Variants in IRAK1BP1 observed in about 807,000 individuals in gnomAD.
IRAK1BP1 encodes the protein interleukin-1 receptor-associated kinase 1-binding protein 1.
Under a neutral mutation model 28.0 loss-of-function variants are expected in IRAK1BP1, and 24 were observed. The ratio of observed to expected loss-of-function variants is 0.86; its 90% CI spans 0.62 to 1.20. The LOEUF is 1.20. Ranked by LOEUF, IRAK1BP1 falls within the 50% of genes most tolerant of loss-of-function variation. The pLI is 0.00. For synonymous variants in IRAK1BP1, 131 were observed against 116.3 expected (o/e 1.13, Z -0.81); for missense variants, 336 against 316.7 (o/e 1.06, Z -0.46).
At chr6:78,906,414 A>G (rs1772262025), downstream of IRAK1BP1, among the ~76,000 whole-genome samples, 1 of 152,218 alleles carries the variant, frequency 6.6e-6, no homozygotes, top group Non-Finnish European at 1.5e-5. Flanking sequence ...TAAGGTTACT[A>G]AGTGACCTCA....
At chr6:78,970,683 G>C in the IRAK1BP1 span, 1 of 724,768 alleles carries the variant, frequency 1.4e-6, no homozygotes, top group Non-Finnish European at 2.3e-6. Flanking sequence ...TCTTCATGAT[G>C]CAGTTTCTTA....
intron 1 of IRAK1BP1, among the ~76,000 whole-genome samples, chr6:78,882,249 G>A (rs1771255978): frequency 6.6e-6 from 1 of 152,090 alleles, no homozygotes; most frequent in Admixed American, 6.6e-5. Context: ...AAAAAGTAAA[G>A]GAAAGGGGTA....
downstream of IRAK1BP1, chr6:78,947,870 A>C (rs748189008): frequency 3.5e-5 from 27 of 771,984 alleles, no homozygotes; most frequent in Non-Finnish European, 5.6e-5. Context: ...TGATGACTGC[A>C]AGTCCTAGAA....
intron 1 of IRAK1BP1, among the ~76,000 whole-genome samples, chr6:78,883,382 TG>T (rs1186353220): frequency 6.6e-6 from 1 of 152,190 alleles, no homozygotes; most frequent in Non-Finnish European, 1.5e-5. Flanking sequence ...TTAACAGTAA[TG>T]GGGTTTGAGA....
chr6:78,953,496 A>AT, the IRAK1BP1 span, among the ~76,000 whole-genome samples: 2 of 152,354 alleles, frequency 1.3e-5, no homozygotes, highest in African/African-American at 4.8e-5. Context: ...AGCGAAATCC[A>AT]TAAGTTGTGA....
Position 78,901,911 on chromosome 6 carries a change from A to G in IRAK1BP1, c.*3577A>G, listed in dbSNP as rs1298059924. 1 of 152,200 alleles carries G rather than the reference A, an allele frequency of 6.6e-6. No homozygotes were observed. Among genetic ancestry groups the G allele is most frequent in the East Asian group, 1.9e-4 (1 of 5,192 alleles). The allele number at this position is 152,200 out of a possible 1,614,324, so 9.4% of individuals were successfully genotyped here. ...CTTCTCAGGAATATGGGCTAAGGAT[A>G]TCTCAACTCTGTCAGATTTGTTGAT... On this transcript the variant is annotated 3_prime_UTR_variant, in exon 4 of 4. Transcript: ENST00000369940.
intron 4 of IRAK1BP1, among the ~76,000 whole-genome samples, chr6:78,916,784 A>C (rs377538259): frequency 1.3e-5 from 2 of 151,822 alleles, no homozygotes; most frequent in Admixed American, 6.6e-5. Context: ...CTAAAACAAT[A>C]CAAAAAAAAA....
intron 1 of IRAK1BP1, among the ~76,000 whole-genome samples, chr6:78,879,179 A>G (rs1052911246): frequency 8.6e-5 from 13 of 152,036 alleles, no homozygotes; most frequent in Admixed American, 7.9e-4. Flanking sequence ...GATGGGGAAC[A>G]TCACACACCA....
At chr6:78,938,144 T>C (rs1359408608) in intron 4 of IRAK1BP1, 2 of 151,650 alleles carry the variant, frequency 1.3e-5, no homozygotes, top group Non-Finnish European at 3.0e-5. Context: ...ATTATAAAAA[T>C]ATAAAATCTA....
At chr6:78,903,659 T>TA (rs111662136), downstream of IRAK1BP1, among the ~76,000 whole-genome samples, 798 of 141,454 alleles carry the variant, frequency 5.6e-3, 1 homozygote, top group South Asian at 0.012. Context: ...ATCCCTGAAT[T>TA]AAAAAAAAAA....
chr6:78,886,823 A>G (rs1448822843), intron 2 of IRAK1BP1, among the ~76,000 whole-genome samples: 3 of 152,190 alleles, frequency 2.0e-5, no homozygotes, highest in Non-Finnish European at 4.4e-5. Flanking sequence ...ACTAAATGAG[A>G]GTTTGGCTAA....
downstream of IRAK1BP1, chr6:78,947,785 G>C: frequency 6.3e-7 from 1 of 1,592,146 alleles, no homozygotes. Context: ...CCTAGGAGAG[G>C]GAAAACAGGT....
the IRAK1BP1 span, chr6:78,958,652 T>C: frequency 2.5e-5 from 27 of 1,080,706 alleles, no homozygotes; most frequent in South Asian, 3.3e-4. Context: ...TAGAAATATG[T>C]GTACATCATT....
chr6:78,874,257 C>A (rs1770908677), intron 1 of IRAK1BP1, among the ~76,000 whole-genome samples: 1 of 152,200 alleles, frequency 6.6e-6, no homozygotes, highest in South Asian at 2.1e-4. Context: ...TTCTGTCCAT[C>A]TTTTAACCTA....
At chr6:78,934,973 C>G (rs1773214822) in intron 4 of IRAK1BP1, among the ~76,000 whole-genome samples, 1 of 152,146 alleles carries the variant, frequency 6.6e-6, no homozygotes, top group South Asian at 2.1e-4. Flanking sequence ...ATTTACCACA[C>G]ATTGATTACA....
chr6:78,873,254 CAAAAAAAAAAA>C (rs35962544), intron 1 of IRAK1BP1, among the ~76,000 whole-genome samples: 1 of 41,104 alleles, frequency 2.4e-5, no homozygotes, highest in Non-Finnish European at 4.0e-5. Flanking sequence ...AACTCTGTCT[CAAAAAAAAAAA>C]AAAAAAAAAA....
At chr6:78,942,420 T>C (rs1403661454) in intron 4 of IRAK1BP1, among the ~76,000 whole-genome samples, 11 of 151,938 alleles carry the variant, frequency 7.2e-5, no homozygotes, top group Admixed American at 6.6e-4. Context: ...GAGGCGGAGG[T>C]TGCAGTGAGC....
Position 78,923,006 on chromosome 6 carries a change from A to C in IRAK1BP1, c.*67+19896A>C, listed in dbSNP as rs373912344. On this transcript the variant is annotated intron_variant and NMD_transcript_variant, in intron 4 of 4. Transcript: ENST00000606868. ...AAAGACCATCGAGGCTAGGAAGAAA[A>C]TGCATCAACTAACGAGCAAAATAAC... Among the ~76,000 whole-genome samples the C allele has an allele frequency of 1.6e-4, 25 of 152,288 alleles. No individual in the cohort carries two copies. The South Asian group carries it at 3.9e-3, about 24-fold the overall frequency.
the IRAK1BP1 span, among the ~76,000 whole-genome samples, chr6:78,951,794 T>G: frequency 1.3e-5 from 2 of 152,224 alleles, no homozygotes; most frequent in Non-Finnish European, 2.9e-5. Context: ...AAAAATTCAT[T>G]TGCCTATTGT....
Sources: allele counts gnomAD v4.1 joint callset (sites outside exome capture counted in the v4.1 genomes callset), GRCh38; gene constraint gnomAD v4.1.1; transcripts MANE v1.5; gene names NCBI Gene and HGNC (gene_info 2026-07-23, HGNC 2026-07-21).